The following KLF8 variants were observed in gnomAD, a reference collection of about 807,000 sequenced individuals.
The protein encoded by KLF8 is KLF transcription factor 8, also known as Krueppel-like factor 8.
In KLF8, 10 loss-of-function variants were observed where a neutral mutation model predicts 18.2. The ratio of observed to expected loss-of-function variants is 0.55; its 90% confidence interval spans 0.34 to 0.93. The LOEUF is 0.93. Ranked by LOEUF, KLF8 falls within the 40% of genes least tolerant of loss-of-function variation. The probability of loss-of-function intolerance (pLI) is 0.02; values close to 1 mark genes in which losing one functional copy is unlikely to be tolerated. For synonymous variants in KLF8, 109 were observed against 97.3 expected (o/e 1.12, Z -0.71); for missense variants, 264 against 277.9 (o/e 0.95, Z 0.36).
chrX:56,131,555 T>C, the KLF8 span, among the ~76,000 whole-genome samples: 4 of 110,676 alleles, frequency 3.6e-5, no homozygotes, highest in Non-Finnish European at 5.7e-5. Flanking sequence ...ATGAATCTTG[T>C]AGGACCATAA....
the KLF8 span, among the ~76,000 whole-genome samples, chrX:55,992,789 A>G: frequency 4.5e-5 from 5 of 111,576 alleles, no homozygotes; most frequent in Non-Finnish European, 9.4e-5. Context: ...AGTGTTTTGT[A>G]GTTCTCATTG....
the KLF8 span, among the ~76,000 whole-genome samples, chrX:55,929,813 AT>A: frequency 0.071 from 6,509 of 91,891 alleles, 272 homozygotes; most frequent in Middle Eastern, 0.17. Flanking sequence ...ATGCCTCCAG[AT>A]TTTTTTTTTT....
the KLF8 span, among the ~76,000 whole-genome samples, chrX:56,103,217 C>T: frequency 9.1e-6 from 1 of 110,029 alleles, no homozygotes; most frequent in Non-Finnish European, 1.9e-5. Context: ...TCCATATGAA[C>T]TTTAAAGTAG....
At chrX:56,185,059 G>C in the KLF8 span, among the ~76,000 whole-genome samples, 2 of 111,825 alleles carry the variant, frequency 1.8e-5, no homozygotes, top group Non-Finnish European at 3.8e-5. Context: ...GAAGGCTTCA[G>C]ACAATCAAAC....
chrX:56,053,283 T>A, the KLF8 span, among the ~76,000 whole-genome samples: 3 of 111,867 alleles, frequency 2.7e-5, no homozygotes, highest in Non-Finnish European at 3.8e-5. Context: ...CCTCCCCCTA[T>A]TTTTTGTTTT....
the KLF8 span, among the ~76,000 whole-genome samples, chrX:56,178,494 C>G: frequency 7.1e-5 from 8 of 112,113 alleles, no homozygotes; most frequent in Non-Finnish European, 1.5e-4. Context: ...TTAATTAGAT[C>G]CCATTTGTCA....
At chrX:55,944,474 G>A in the KLF8 span, among the ~76,000 whole-genome samples, 1 of 110,298 alleles carries the variant, frequency 9.1e-6, no homozygotes, top group African/African-American at 3.3e-5. Flanking sequence ...ACTCTTTTTG[G>A]TTGGTAAGCT....
chrX:55,961,252 T>A, the KLF8 span: 1 of 326,402 alleles, frequency 3.1e-6, no homozygotes, highest in Non-Finnish European at 5.6e-6. Flanking sequence ...GGATCCCCAC[T>A]GCCTTCCACC....
chrX:55,945,959 C>T, the KLF8 span, among the ~76,000 whole-genome samples: 3 of 110,858 alleles, frequency 2.7e-5, no homozygotes, highest in Non-Finnish European at 3.8e-5. Context: ...AGGAGAACTA[C>T]AAACTGCTGC....
At chrX:56,120,229 C>A in the KLF8 span, among the ~76,000 whole-genome samples, 1 of 111,235 alleles carries the variant, frequency 9.0e-6, no homozygotes, top group Admixed American at 9.6e-5. Context: ...GCCACCCAAT[C>A]CGAACCCTGA....
At chrX:56,096,246 G>T in the KLF8 span, among the ~76,000 whole-genome samples, 3 of 111,240 alleles carry the variant, frequency 2.7e-5, no homozygotes, top group African/African-American at 9.8e-5. Context: ...TGAAGAATGG[G>T]TGCATCTAGC....
chrX:55,956,609 G>T, the KLF8 span, among the ~76,000 whole-genome samples: 2 of 111,474 alleles, frequency 1.8e-5, no homozygotes, highest in African/African-American at 6.5e-5. Flanking sequence ...ATTTTAATAG[G>T]TGAGGTGATA....
chrX:56,081,366 C>A, the KLF8 span, among the ~76,000 whole-genome samples: 6 of 111,908 alleles, frequency 5.4e-5, no homozygotes, highest in African/African-American at 1.6e-4. Flanking sequence ...ATGTATATGG[C>A]AAATTAGTAG....
At chrX:56,040,417 TAG>T in the KLF8 span, among the ~76,000 whole-genome samples, 1 of 112,030 alleles carries the variant, frequency 8.9e-6, no homozygotes, top group East Asian at 2.8e-4. Context: ...CTAGTTTATT[TAG>T]AGTTTTTAAC....
At chrX:56,161,074 G>A in the KLF8 span, among the ~76,000 whole-genome samples, 839 of 111,295 alleles carry the variant, frequency 7.5e-3, 5 homozygotes, top group Middle Eastern at 0.018. Flanking sequence ...AGCTCTTTTA[G>A]GGCAGGCCTG....
chrX:56,053,759 A>G, the KLF8 span, among the ~76,000 whole-genome samples: 1 of 109,544 alleles, frequency 9.1e-6, no homozygotes, highest in Admixed American at 9.8e-5. Context: ...CCAGGAATTC[A>G]TCTATCTTTT....
At chrX:56,049,105 C>T in the KLF8 span, among the ~76,000 whole-genome samples, 1 of 111,643 alleles carries the variant, frequency 9.0e-6, no homozygotes, top group African/African-American at 3.3e-5. Context: ...GTGATTTTTG[C>T]ACATTGATTT....
the KLF8 span, among the ~76,000 whole-genome samples, chrX:55,910,276 A>C: frequency 8.0e-5 from 9 of 111,881 alleles, no homozygotes; most frequent in East Asian, 2.2e-3. Flanking sequence ...TATCATCACC[A>C]CACAAGACTC....
chrX:55,991,955 T>A, the KLF8 span, among the ~76,000 whole-genome samples: 2 of 112,410 alleles, frequency 1.8e-5, no homozygotes, highest in African/African-American at 3.2e-5. Flanking sequence ...GTGGTTGTTT[T>A]GTTTTTGCTT....
Sources: allele counts gnomAD v4.1 joint callset (sites outside exome capture counted in the v4.1 genomes callset), GRCh38; gene constraint gnomAD v4.1.1; transcripts MANE v1.5; gene names NCBI Gene and HGNC (gene_info 2026-07-23, HGNC 2026-07-21).